The following THSD7A variants were observed in gnomAD, a reference collection of about 807,000 sequenced individuals.
THSD7A encodes the protein thrombospondin type-1 domain-containing protein 7A.
In THSD7A, 96 loss-of-function variants were observed where a neutral mutation model predicts 231.3. That is an observed-to-expected ratio of 0.41 (90% confidence interval 0.35 to 0.49). THSD7A has a LOEUF of 0.49. THSD7A is among the 20% of genes least tolerant of loss of function. THSD7A has a pLI of 0.05. For synonymous variants in THSD7A, 940 were observed against 743.3 expected, an observed-to-expected ratio of 1.26 and a Z score of -4.30; for missense variants, 2,290 against 2,070.2, an observed-to-expected ratio of 1.11 and a Z score of -2.06.
chr7:11,573,385 T>C (rs1373079624), intron 4 of THSD7A, among the ~76,000 whole-genome samples: 1 of 152,188 alleles, frequency 6.6e-6, no homozygotes, highest in African/African-American at 2.4e-5. Context: ...TTCCAGCCAA[T>C]TCCTAGCCCA....
chr7:11,650,829 TTTTG>T (rs919620280), intron 1 of THSD7A, among the ~76,000 whole-genome samples: 4 of 151,854 alleles, frequency 2.6e-5, no homozygotes, highest in African/African-American at 9.7e-5. Context: ...TTTTGTTTTG[TTTTG>T]TTTTTTTCTA....
At chr7:11,462,976 G>A (rs1416712267) in intron 9 of THSD7A, among the ~76,000 whole-genome samples, 1 of 152,026 alleles carries the variant, frequency 6.6e-6, no homozygotes, top group East Asian at 1.9e-4. Flanking sequence ...ACACTTTAAC[G>A]ATGAATAGCT....
chr7:11,821,153 G>T, intron 1 of THSD7A: 1 of 1,120,386 alleles, frequency 8.9e-7, no homozygotes, highest in Non-Finnish European at 1.4e-6. Flanking sequence ...TTAGTAAAGT[G>T]TTTATGTAAT....
chr7:11,714,089 C>G (rs1270628685), intron 1 of THSD7A, among the ~76,000 whole-genome samples: 1 of 151,054 alleles, frequency 6.6e-6, no homozygotes, highest in Non-Finnish European at 1.5e-5. Context: ...TAATGAAGGT[C>G]ACAGTCAAAA....
intron 6 of THSD7A, among the ~76,000 whole-genome samples, chr7:11,519,794 A>G (rs1021765538): frequency 4.6e-5 from 7 of 151,864 alleles, no homozygotes; most frequent in East Asian, 1.9e-4. Context: ...CTTTTCCCCA[A>G]AAAGCTTTCA....
chr7:11,473,241 T>C (rs1249203485), intron 8 of THSD7A, among the ~76,000 whole-genome samples: 1 of 151,614 alleles, frequency 6.6e-6, no homozygotes, highest in Non-Finnish European at 1.5e-5. Flanking sequence ...CCCTGGAGTT[T>C]TTCATGCATC....
rs183652382 is a variant in THSD7A at position 11,543,149 on chromosome 7, T to A, written c.1454-32A>T. 59 of 1,587,184 alleles carry A rather than the reference T, an allele frequency of 3.7e-5. 4 individuals are homozygous for A. The South Asian group carries it at 4.9e-4, about 13-fold the overall frequency. ...AAAAATACAGACACATATTAAAAAA[T>A]GAACAAAAGGAACATATATGGCCAA... On this transcript the variant is annotated intron_variant, in intron 4 of 27. Coordinates refer to ENST00000423059, the MANE Select transcript of THSD7A (RefSeq NM_015204.3).
rs113806599 is a variant in THSD7A at position 11,426,611 on chromosome 7, G to A, written c.3249+55C>T. 1.7e-5 allele frequency: 26 copies of A among 1,495,284 alleles called. 2 individuals are homozygous for A. The African/African-American group carries it at 1.8e-4, about 10-fold the overall frequency. 92.6% of individuals were successfully genotyped at this position (1,495,284 alleles called of 1,614,324 possible). ...AGAGAAATGTATTCTCAGAAATCAG[G>A]AAATTTAAGAAAAGAAGGATTCTAT... On this transcript the variant is annotated intron_variant, in intron 15 of 27. Transcript: ENST00000423059.
chr7:11,478,932 T>C (rs758805336), intron 7 of THSD7A, among the ~76,000 whole-genome samples: 18 of 152,172 alleles, frequency 1.2e-4, no homozygotes, highest in Non-Finnish European at 2.1e-4. Flanking sequence ...ACAACTTACA[T>C]TAACAATGAA....
intron 4 of THSD7A, among the ~76,000 whole-genome samples, chr7:11,565,909 A>C (rs917924153): frequency 1.3e-5 from 2 of 152,136 alleles, no homozygotes; most frequent in African/African-American, 4.8e-5. Flanking sequence ...GGCAGGTCTG[A>C]ATTAAACTGC....
chr7:11,724,632 C>G (rs1409523112), intron 1 of THSD7A, among the ~76,000 whole-genome samples: 1 of 151,800 alleles, frequency 6.6e-6, no homozygotes, highest in Non-Finnish European at 1.5e-5. Flanking sequence ...TACTTTGATA[C>G]TGGGAAGACA....
intron 6 of THSD7A, among the ~76,000 whole-genome samples, chr7:11,536,475 T>C (rs935965480): frequency 6.6e-5 from 10 of 152,146 alleles, no homozygotes; most frequent in Non-Finnish European, 1.3e-4. Context: ...AATTGGAAGT[T>C]TCTGGGACTC....
intron 23 of THSD7A, among the ~76,000 whole-genome samples, chr7:11,395,496 C>T (rs1783147641): frequency 6.6e-6 from 1 of 151,828 alleles, no homozygotes; most frequent in African/African-American, 2.4e-5. Context: ...CAAAACTCTC[C>T]ACCCCAAATC....
chr7:11,459,427 A>C (rs892979209), intron 11 of THSD7A, among the ~76,000 whole-genome samples: 1 of 152,120 alleles, frequency 6.6e-6, no homozygotes, highest in African/African-American at 2.4e-5. Flanking sequence ...CAATTTCTTA[A>C]AGAATGATTT....
chr7:11,489,178 T>A (rs977425064), intron 6 of THSD7A, among the ~76,000 whole-genome samples: 1 of 152,098 alleles, frequency 6.6e-6, no homozygotes, highest in African/African-American at 2.4e-5. Flanking sequence ...ACAGTAAATA[T>A]TTGTTGGATG....
chr7:11,525,438 T>C (rs1356227604), intron 6 of THSD7A, among the ~76,000 whole-genome samples: 1 of 152,110 alleles, frequency 6.6e-6, no homozygotes, highest in African/African-American at 2.4e-5. Flanking sequence ...AAGCCATAGA[T>C]CAATTTCCAA....
At chr7:11,523,298 T>G (rs1473859932) in intron 6 of THSD7A, among the ~76,000 whole-genome samples, 1 of 151,996 alleles carries the variant, frequency 6.6e-6, no homozygotes, top group Non-Finnish European at 1.5e-5. Flanking sequence ...TGAGAAATGA[T>G]TACTAAATGA....
At chr7:11,804,745 T>C (rs1298308152) in intron 1 of THSD7A, among the ~76,000 whole-genome samples, 1 of 152,202 alleles carries the variant, frequency 6.6e-6, no homozygotes, top group Non-Finnish European at 1.5e-5. Flanking sequence ...GCTTTAAATA[T>C]TGTGACTGAA....
At chr7:11,663,954 T>G (rs1783026917) in intron 1 of THSD7A, among the ~76,000 whole-genome samples, 1 of 151,612 alleles carries the variant, frequency 6.6e-6, no homozygotes, top group South Asian at 2.1e-4. Flanking sequence ...TTCCCTTAAT[T>G]TAAAATAATA....
Sources: gnomAD v4.1 joint callset for allele counts (sites outside exome capture counted in the v4.1 genomes callset) on GRCh38, gnomAD v4.1.1 for gene constraint, MANE v1.5 for transcripts, NCBI Gene and HGNC (gene_info 2026-07-23, HGNC 2026-07-21) for gene names.